MPDZ: variants seen among roughly 807,000 people sequenced by gnomAD.
MPDZ encodes multiple PDZ domain protein.
MPDZ carries 234 observed loss-of-function variants against 239.1 expected under a neutral mutation model. That is an observed-to-expected ratio of 0.98 (90% CI 0.88 to 1.09). The LOEUF is 1.09. Among genes scored for constraint, MPDZ ranks in the 50% least tolerant of loss-of-function variants. MPDZ has a pLI of 0.00. For missense variants in MPDZ, 3,175 were observed against 2,510.0 expected (o/e 1.26, Z -5.66); for synonymous variants, 1,048 against 881.3 (o/e 1.19, Z -3.35).
intron 12 of MPDZ, among the ~76,000 whole-genome samples, chr9:13,198,503 G>A (rs1955932158): frequency 6.6e-6 from 1 of 151,606 alleles, no homozygotes; most frequent in African/African-American, 2.4e-5. Flanking sequence ...TAATCAGATG[G>A]GTAGCTTGAA....
chr9:13,116,205 A>T (rs1943422000), intron 39 of MPDZ, among the ~76,000 whole-genome samples: 1 of 152,164 alleles, frequency 6.6e-6, no homozygotes, highest in African/African-American at 2.4e-5. Flanking sequence ...CGCACAGTCT[A>T]ATATGAAGTA....
chr9:13,205,047 G>C lies in MPDZ; in HGVS notation c.1535C>G (p.Thr512Ser). The C allele has an allele frequency of 6.9e-7, 1 of 1,456,284 alleles. No homozygotes were observed. Among genetic ancestry groups the C allele is most frequent in the Non-Finnish European group, 9.0e-7 (1 of 1,106,848 alleles). The allele number at this position is 1,456,284 out of a possible 1,614,324, so 90.2% of individuals were successfully genotyped here. ...CGCTAGGTGTTTACCTTCTTCTTCA[G>C]TTGGTAATATGTTGGTGTTTCTCGT... is the stretch of plus-strand genomic sequence containing the variant. ...SSTRNTNILPTEEEGYPLLSA... is the reference protein window; with the variant it reads ...SSTRNTNILPSEEEGYPLLSA... The change falls in exon 12 of 47, where the codon ACT becomes AGT. Residue 512 changes from threonine to serine, a missense_variant. Physicochemically the swap from Thr to Ser is moderately conservative, Grantham distance 58. Coordinates refer to ENST00000319217, the MANE Select transcript of MPDZ (RefSeq NM_001378778.1).
intron 11 of MPDZ, 25 bp from the exon 12 acceptor site, chr9:13,205,132 A>AAATAT: frequency 8.0e-7 from 1 of 1,252,334 alleles, no homozygotes; most frequent in Non-Finnish European, 1.1e-6. Flanking sequence ...TATTTTAGTA[A>AAATAT]TTTTATCTTT....
At chr9:13,172,682 C>G (rs995768281) in intron 21 of MPDZ, among the ~76,000 whole-genome samples, 4 of 152,038 alleles carry the variant, frequency 2.6e-5, no homozygotes, top group African/African-American at 9.7e-5. Context: ...CCACCGCGCC[C>G]GGCCAAATGT....
chr9:13,119,775 T>C, intron 38 of MPDZ, 126 bp from the exon 39 acceptor site: 1 of 1,033,344 alleles, frequency 9.7e-7, no homozygotes, highest in Non-Finnish European at 1.5e-6. Flanking sequence ...TTTTGTTATT[T>C]GGAGCAACAC....
intron 1 of MPDZ, 87 bp downstream of exon 1, chr9:13,279,313 G>A (rs1276076181): frequency 9.0e-6 from 1 of 111,714 alleles, no homozygotes; most frequent in African/African-American, 3.0e-5. Context: ...GCCGAGCCCA[G>A]GGCGCCCGCG....
At chr9:13,126,384 A>T in intron 34 of MPDZ, 132 bp downstream of exon 34, 1 of 540,640 alleles carries the variant, frequency 1.8e-6, no homozygotes, top group Non-Finnish European at 3.1e-6. Context: ...CTTCTGAACA[A>T]TCTCTTCTTT....
chr9:13,189,270 T>G (rs2134878422), intron 16 of MPDZ, among the ~76,000 whole-genome samples: 1 of 152,284 alleles, frequency 6.6e-6, no homozygotes, highest in East Asian at 1.9e-4. Flanking sequence ...AATTATAATT[T>G]TAACTTTGAT....
rs1164643732 is a variant in MPDZ, at chr9:13,279,487, T to C, written c.-145A>G. The C allele has an allele frequency of 6.8e-6, 1 of 148,134 alleles. No homozygotes were observed. Among genetic ancestry groups the C allele is most frequent in the Non-Finnish European group, 1.5e-5 (1 of 66,556 alleles). 9.2% of individuals were successfully genotyped at this position (148,134 alleles called of 1,614,324 possible). On this transcript the variant is annotated 5_prime_UTR_variant, in exon 1 of 47. Transcript: ENST00000319217. ...CGCCGGGGCCTCTGGATGCCTCGCC[T>C]CGCCCACGCTCACTGTCTTCTCTTC...
At chr9:13,210,862 A>G (rs1013301975) in intron 10 of MPDZ, among the ~76,000 whole-genome samples, 50 of 152,300 alleles carry the variant, frequency 3.3e-4, no homozygotes, top group African/African-American at 1.1e-3. Context: ...CAAGAGCCCA[A>G]GAAGAAACCC....
intron 1 of MPDZ, among the ~76,000 whole-genome samples, chr9:13,253,186 CAG>C (rs1968557250): frequency 1.4e-5 from 2 of 143,748 alleles, no homozygotes; most frequent in Non-Finnish European, 3.0e-5. Context: ...TATGTTAAAA[CAG>C]AATTACTTTT....
At chr9:13,108,898 T>C in intron 46 of MPDZ, 38 bp downstream of exon 46, 1 of 1,600,210 alleles carries the variant, frequency 6.2e-7, no homozygotes, top group Non-Finnish European at 8.5e-7. Context: ...TAATGAATGT[T>C]TAGGGGAAAA....
At chr9:13,192,441 A>G (rs1955067165) in intron 14 of MPDZ, 146 bp from the exon 15 acceptor site, 1 of 668,574 alleles carries the variant, frequency 1.5e-6, no homozygotes, top group Non-Finnish European at 2.4e-6. Context: ...CTGTGGAAAT[A>G]CTATCTAAAT....
intron 19 of MPDZ, among the ~76,000 whole-genome samples, chr9:13,180,597 A>C (rs1265721656): frequency 6.6e-6 from 1 of 152,200 alleles, no homozygotes; most frequent in Non-Finnish European, 1.5e-5. Flanking sequence ...AAAGTCTGCC[A>C]ATTTAAAAAC....
rs767920289 is a variant in MPDZ at position 13,136,097 on chromosome 9, T to C, written c.4378A>G (p.Lys1460Glu). Reference protein sequence around the residue: ...LPSNSENLQNKETEPTVTTSD... With the variant: ...LPSNSENLQNEETEPTVTTSD... ...CAAACATAAGTTACATATACCTCCT[T>C]ATTTTGAAGATTTTCTGAGTTAGAA... Residue 1460 changes from lysine (K) to glutamate (E), a missense_variant, in exon 31 of 47, where the codon AAG becomes GAG. Physicochemically the swap from Lys to Glu is moderately conservative, Grantham distance 56 (BLOSUM62 1). Transcript: ENST00000319217. The C allele has an allele frequency of 5.9e-5, 95 of 1,604,256 alleles. No homozygotes were observed. The highest frequency in any genetic ancestry group is 7.8e-5 in the Non-Finnish European group (92 of 1,172,448).
chr9:13,153,856 G>C (rs958631280), intron 24 of MPDZ, among the ~76,000 whole-genome samples: 1 of 152,004 alleles, frequency 6.6e-6, no homozygotes, highest in Non-Finnish European at 1.5e-5. Flanking sequence ...GTCTCCAAGG[G>C]CTCTTTATGT....
intron 24 of MPDZ, among the ~76,000 whole-genome samples, chr9:13,152,533 C>G (rs1355143407): frequency 6.6e-6 from 1 of 152,028 alleles, no homozygotes; most frequent in Non-Finnish European, 1.5e-5. Flanking sequence ...TCACCTTCCA[C>G]CATGATTGTG....
At chr9:13,184,994 G>C (rs1031620543) in intron 18 of MPDZ, among the ~76,000 whole-genome samples, 1 of 151,994 alleles carries the variant, frequency 6.6e-6, no homozygotes, top group Admixed American at 6.6e-5. Flanking sequence ...AGGCTAGAGA[G>C]AATGCTATTT....
intron 17 of MPDZ, 119 bp from the exon 18 acceptor site, chr9:13,186,505 G>C: frequency 1.5e-6 from 1 of 652,866 alleles, no homozygotes; most frequent in Non-Finnish European, 2.7e-6. Context: ...AAATTGGAAA[G>C]TTTTCAAACG....
Sources: allele counts gnomAD v4.1 joint callset (sites outside exome capture counted in the v4.1 genomes callset), GRCh38; gene constraint gnomAD v4.1.1; transcripts MANE v1.5; gene names NCBI Gene and HGNC (gene_info 2026-07-23, HGNC 2026-07-21).